DDI2: variants seen among roughly 807,000 people sequenced by gnomAD.
The protein encoded by DDI2 is protein DDI1 homolog 2.
DDI2 carries 5 observed loss-of-function variants against 48.1 expected under a neutral mutation model. The observed-to-expected ratio is 0.10, with a 90% confidence interval of 0.05 to 0.22. DDI2 has a LOEUF of 0.22. DDI2 is among the 10% of genes least tolerant of loss of function. The probability of loss-of-function intolerance (pLI) is 1.00; values close to 1 mark genes in which losing one functional copy is unlikely to be tolerated. For missense variants in DDI2, 285 were observed against 506.2 expected (o/e 0.56, Z 4.19); for synonymous variants, 205 against 183.6 (o/e 1.12, Z -0.94).
Position 15,638,208 on chromosome 1 carries a change from A to G in DDI2, c.633-99A>G. The G allele has an allele frequency of 3.9e-6, 6 of 1,558,434 alleles. No individual in the cohort carries two copies. In the South Asian group the frequency reaches 6.9e-5, roughly 18 times the overall value. ...GACTCGGCTGCTGTGCTTGGGGCAA[A>G]AGATATGTACAAATCTGTTTTTTAA... is the stretch of plus-strand genomic sequence containing the variant. On this transcript the variant is annotated intron_variant, in intron 4 of 9. Coordinates refer to ENST00000480945, the MANE Select transcript of DDI2 (RefSeq NM_032341.5).
At chr1:15,633,617 G>T (rs1423919145) in intron 4 of DDI2, 52 bp downstream of exon 4, 10 of 1,596,982 alleles carry the variant, frequency 6.3e-6, no homozygotes, top group Non-Finnish European at 6.8e-6. Flanking sequence ...AGATTTCCCA[G>T]ACTGCAGGTT....
At chr1:15,632,929 TTTA>T (rs1300304980) in intron 3 of DDI2, among the ~76,000 whole-genome samples, 185 of 121,640 alleles carry the variant, frequency 1.5e-3, no homozygotes, top group Non-Finnish European at 2.6e-3. Flanking sequence ...TTTTTTTTTT[TTTA>T]AAAAAAAAAA....
intron 1 of DDI2, 127 bp downstream of exon 1, chr1:15,617,935 C>A: frequency 7.6e-7 from 1 of 1,320,756 alleles, no homozygotes; most frequent in Non-Finnish European, 9.9e-7. Flanking sequence ...ATTCTCAGGT[C>A]ACCCCCGCAT....
chr1:15,630,541 C>T lies in DDI2; in HGVS notation c.485C>T (p.Ala162Val). 6.2e-7 allele frequency: 1 copy of T among 1,613,588 alleles called. No individual in the cohort carries two copies. The highest frequency in any genetic ancestry group is 8.5e-7 in the Non-Finnish European group (1 of 1,179,514). The change falls in exon 3 of 10, where the codon GCT becomes GTT. Residue 162 changes from alanine to valine, a missense_variant. By Grantham distance (64) the Ala-to-Val change is moderately conservative (BLOSUM62 0). Coordinates refer to ENST00000480945, the MANE Select transcript of DDI2 (RefSeq NM_032341.5). ...LKERNPPLAE[A>V]LLSGDLEKFS... is the part of the protein sequence containing the mutation. The stretch of plus-strand genomic sequence containing the variant: ...GAACGCAATCCACCCCTGGCAGAAG[C>T]TCTGCTCAGTGGAGACCTTGGTAAG...
At chr1:15,653,901 C>T (rs1640231993) in intron 8 of DDI2, among the ~76,000 whole-genome samples, 1 of 152,100 alleles carries the variant, frequency 6.6e-6, no homozygotes, top group African/African-American at 2.4e-5. Context: ...CTACCTAATA[C>T]TTTTTTCTAA....
chr1:15,659,549 T>G (rs1570993576), intron 9 of DDI2, among the ~76,000 whole-genome samples: 1 of 152,274 alleles, frequency 6.6e-6, no homozygotes, highest in African/African-American at 2.4e-5. Context: ...TGTCCTTCAT[T>G]CCTGAGCACT....
At chr1:15,631,271 A>G (rs929286367) in intron 3 of DDI2, among the ~76,000 whole-genome samples, 1 of 151,642 alleles carries the variant, frequency 6.6e-6, no homozygotes. Context: ...ACCTCAGTCC[A>G]CTCCAAGTTA....
At chr1:15,626,003 C>A (rs965360288) in intron 1 of DDI2, among the ~76,000 whole-genome samples, 1 of 152,174 alleles carries the variant, frequency 6.6e-6, no homozygotes, top group Non-Finnish European at 1.5e-5. Flanking sequence ...TGCCAGTGTT[C>A]AAGATTATTT....
intron 1 of DDI2, among the ~76,000 whole-genome samples, chr1:15,620,551 C>T (rs1639642426): frequency 1.3e-5 from 2 of 152,020 alleles, no homozygotes; most frequent in South Asian, 2.1e-4. Flanking sequence ...TTTCTGATTC[C>T]ATTTCTTCAA....
In DDI2 at chr1:15,663,739, T is replaced by C. The variant is rs541544808; in HGVS notation, c.*3949T>C. Reference sequence around the variant, plus strand: ...GCAATGGGACCCTGTATTTGCTTTATGGGTGGTGGTTTGGGAATGTATTCT... The same window carrying C: ...GCAATGGGACCCTGTATTTGCTTTACGGGTGGTGGTTTGGGAATGTATTCT... On this transcript the variant is annotated 3_prime_UTR_variant, in exon 10 of 10. Coordinates refer to ENST00000480945, the MANE Select transcript of DDI2 (RefSeq NM_032341.5). 104 of 144,754 alleles carry C rather than the reference T, an allele frequency of 7.2e-4. No homozygotes were observed. The highest frequency in any genetic ancestry group is 2.3e-3 in the African/African-American group (91 of 39,758). The allele number at this position is 144,754 out of a possible 1,614,324, so 9.0% of individuals were successfully genotyped here.
At chr1:15,628,847 A>G (rs7535817) in intron 2 of DDI2, among the ~76,000 whole-genome samples, 1,980 of 152,316 alleles carry the variant, frequency 0.013, 52 homozygotes, top group African/African-American at 0.046. Context: ...ACCCATTTAT[A>G]GTCATTTCCC....
rs1027698204 is a variant in DDI2, at chr1:15,662,702, C to T, written c.*2912C>T. On this transcript the variant is annotated 3_prime_UTR_variant, in exon 10 of 10. Coordinates refer to ENST00000480945, the MANE Select transcript of DDI2 (RefSeq NM_032341.5). Reference sequence around the variant, plus strand: ...CTTCTGCCAGGAAGTTCTTCAAACGCTCAGTGTGAGCTGTGATCTGAGTGA... The same window carrying T: ...CTTCTGCCAGGAAGTTCTTCAAACGTTCAGTGTGAGCTGTGATCTGAGTGA... 6.6e-6 allele frequency: 1 copy of T among 152,210 alleles called. No individual in the cohort carries two copies. The highest frequency in any genetic ancestry group is 1.5e-5 in the Non-Finnish European group (1 of 68,042). The allele number at this position is 152,210 out of a possible 1,614,324, so 9.4% of individuals were successfully genotyped here.
At chr1:15,630,882 C>G (rs1039276898) in intron 3 of DDI2, among the ~76,000 whole-genome samples, 1 of 152,150 alleles carries the variant, frequency 6.6e-6, no homozygotes, top group Non-Finnish European at 1.5e-5. Context: ...CTTGCTCTTT[C>G]GCCCAGGCTG....
chr1:15,628,947 G>A (rs1342173047), intron 2 of DDI2, among the ~76,000 whole-genome samples: 1 of 151,986 alleles, frequency 6.6e-6, no homozygotes, highest in Non-Finnish European at 1.5e-5. Flanking sequence ...ATATAAATGG[G>A]GTCATACAAT....
intron 1 of DDI2, among the ~76,000 whole-genome samples, chr1:15,625,533 A>G (rs1034511232): frequency 2.0e-5 from 3 of 152,122 alleles, no homozygotes; most frequent in African/African-American, 7.2e-5. Context: ...TACACATCAT[A>G]AAATATTTTT....
At chr1:15,655,963 TTATACTC>T (rs772014005) in intron 8 of DDI2, among the ~76,000 whole-genome samples, 81 of 152,046 alleles carry the variant, frequency 5.3e-4, no homozygotes, top group Admixed American at 1.7e-3. Flanking sequence ...TTTAAATACT[TTATACTC>T]TATTATAAAC....
At chr1:15,654,896 T>C (rs185289634) in intron 8 of DDI2, among the ~76,000 whole-genome samples, 2 of 152,184 alleles carry the variant, frequency 1.3e-5, no homozygotes, top group East Asian at 3.9e-4. Context: ...GTCGTGATGC[T>C]GTGTGTTAAT....
chr1:15,633,661 G>A, intron 4 of DDI2, 96 bp downstream of exon 4: 1 of 1,565,380 alleles, frequency 6.4e-7, no homozygotes, highest in Non-Finnish European at 8.7e-7. Flanking sequence ...CTTGGAGGTA[G>A]CTTCTCTGTT....
chr1:15,631,805 CTTTG>C (rs1639847480), intron 3 of DDI2, among the ~76,000 whole-genome samples: 1 of 151,574 alleles, frequency 6.6e-6, no homozygotes, highest in Non-Finnish European at 1.5e-5. Flanking sequence ...TCGTGTTAGG[CTTTG>C]TTTTTTTTTT....
Sources: allele counts gnomAD v4.1 joint callset (sites outside exome capture counted in the v4.1 genomes callset), GRCh38; gene constraint gnomAD v4.1.1; transcripts MANE v1.5; gene names NCBI Gene and HGNC (gene_info 2026-07-23, HGNC 2026-07-21).